ATF6: variants seen among roughly 807,000 people sequenced by gnomAD.
ATF6 encodes cyclic AMP-dependent transcription factor ATF-6 alpha.
In ATF6, 53 loss-of-function variants were observed where a neutral mutation model predicts 83.6. The ratio of observed to expected loss-of-function variants is 0.63; its 90% CI spans 0.51 to 0.80. The LOEUF is 0.80. Among genes scored for constraint, ATF6 ranks in the 30% least tolerant of loss-of-function variants. The pLI is 0.00. For missense variants in ATF6, 744 were observed against 797.9 expected (o/e 0.93, Z 0.81); for synonymous variants, 288 against 285.8 (o/e 1.01, Z -0.08).
chr1:161,775,424 T>A (rs1201382164), intron 1 of ATF6, among the ~76,000 whole-genome samples: 1 of 151,826 alleles, frequency 6.6e-6, no homozygotes, highest in Non-Finnish European at 1.5e-5. Flanking sequence ...ATGGTAACTA[T>A]CTAACTCTAT....
At position 161,788,762 on chromosome 1, in the gene ATF6, A is replaced by G. The variant is rs1489142649; in HGVS notation, c.355-2646A>G. ...TAGCACTAGGTAGGGATCTAATTTT[A>G]ATTTTCTCTATAAAATGAATCAGTT... On this transcript the variant is annotated intron_variant, in intron 4 of 15. Coordinates refer to ENST00000367942, the MANE Select transcript of ATF6 (RefSeq NM_007348.4). 6.6e-5 allele frequency among the ~76,000 whole-genome samples: 10 copies of G among 152,018 alleles called. No individual in the cohort carries two copies. The South Asian group carries it at 1.9e-3, about 28-fold the overall frequency.
rs1191873187 is a variant in ATF6, at chr1:161,962,569, A to G, written c.*3915A>G. The stretch of plus-strand genomic sequence containing the variant: ...GTATTTGACTTTCTAACACATTGCA[A>G]AGTTTCAAAGTGACTTTCACTTTCA... On this transcript the variant is annotated 3_prime_UTR_variant, in exon 16 of 16. Coordinates refer to ENST00000367942, the MANE Select transcript of ATF6 (RefSeq NM_007348.4). 6.6e-6 allele frequency: 1 copy of G among 152,260 alleles called. No individual in the cohort carries two copies. The highest frequency in any genetic ancestry group is 2.4e-5 in the African/African-American group (1 of 41,470). 9.4% of individuals were successfully genotyped at this position (152,260 alleles called of 1,614,324 possible).
At chr1:161,876,248 A>G (rs1687214885) in intron 14 of ATF6, among the ~76,000 whole-genome samples, 1 of 152,000 alleles carries the variant, frequency 6.6e-6, no homozygotes, top group Non-Finnish European at 1.5e-5. Context: ...CCATTTGTAA[A>G]ACAAAAGCAC....
intron 7 of ATF6, among the ~76,000 whole-genome samples, chr1:161,813,578 A>G (rs1685527687): frequency 6.6e-6 from 1 of 151,976 alleles, no homozygotes; most frequent in African/African-American, 2.4e-5. Context: ...TTTTTCTTTT[A>G]TTCTGTCCTG....
At position 161,801,453 on chromosome 1, in the gene ATF6, G is replaced by A. The variant is rs528757063; in HGVS notation, c.689-599G>A. Among the ~76,000 whole-genome samples, 4 of 142,810 alleles carry A rather than the reference G, an allele frequency of 2.8e-5. No individual in the cohort carries two copies. The East Asian group carries it at 8.2e-4, about 29-fold the overall frequency. The allele number at this position is 142,810 out of a possible 152,430, so 93.7% of individuals were successfully genotyped here. A position where few individuals can be genotyped will look rare whatever the true frequency, so the allele number is the denominator to read the frequency against. ...ACTCGAGGCACATACCACCATACCT[G>A]GCTAATTTTTAAATTTTTTTTTGTA... On this transcript the variant is annotated intron_variant, in intron 6 of 15. Coordinates refer to ENST00000367942, the MANE Select transcript of ATF6 (RefSeq NM_007348.4).
chr1:161,919,542 T>G (rs1433797914), intron 15 of ATF6, among the ~76,000 whole-genome samples: 1 of 152,220 alleles, frequency 6.6e-6, no homozygotes, highest in Non-Finnish European at 1.5e-5. Flanking sequence ...TAATGGTAGA[T>G]AGCTAAACTT....
At chr1:161,957,026 A>G (rs1688979319) in intron 15 of ATF6, among the ~76,000 whole-genome samples, 1 of 152,128 alleles carries the variant, frequency 6.6e-6, no homozygotes, top group Non-Finnish European at 1.5e-5. Context: ...GGACTAGATG[A>G]TCTCCAAAAG....
At chr1:161,917,873 A>G (rs918411538) in intron 15 of ATF6, among the ~76,000 whole-genome samples, 3 of 152,186 alleles carry the variant, frequency 2.0e-5, no homozygotes, top group African/African-American at 4.8e-5. Context: ...AGATTTTTGG[A>G]TTAGGGATAC....
At chr1:161,894,732 A>G (rs1309647291) in intron 14 of ATF6, among the ~76,000 whole-genome samples, 3 of 56,398 alleles carry the variant, frequency 5.3e-5, no homozygotes, top group Non-Finnish European at 1.0e-4. Context: ...TTGTATTTTT[A>G]GCAGAGACGG....
Position 161,961,867 on chromosome 1 carries a change from T to C in ATF6, c.*3213T>C, listed in dbSNP as rs528403382. The C allele has an allele frequency of 1.1e-4, 16 of 152,340 alleles. No homozygotes were observed. The highest frequency in any genetic ancestry group is 3.6e-4 in the African/African-American group (15 of 41,574). The allele number at this position is 152,340 out of a possible 1,614,324, so 9.4% of individuals were successfully genotyped here. On this transcript the variant is annotated 3_prime_UTR_variant, in exon 16 of 16. Transcript: ENST00000367942. ...ATGGAAGTAAGTGGATGTTTCCTCATGTTAACTACTGAATCAGATGTTAGG... is the reference window on the plus strand; with the variant it reads ...ATGGAAGTAAGTGGATGTTTCCTCACGTTAACTACTGAATCAGATGTTAGG...
chr1:161,785,596 A>G (rs1684725811), intron 4 of ATF6, among the ~76,000 whole-genome samples: 1 of 152,184 alleles, frequency 6.6e-6, no homozygotes, highest in Admixed American at 6.5e-5. Context: ...AGTCTTTTCC[A>G]GACCCAATTA....
intron 14 of ATF6, among the ~76,000 whole-genome samples, chr1:161,894,545 T>TTTTTTTTTTTTTTGTTTTTTTTG: frequency 1.0e-5 from 1 of 97,440 alleles, no homozygotes; most frequent in Non-Finnish European, 2.0e-5. Context: ...TTTTTTTTTT[T>TTTTTTTTTTTTTTGTTTTTTTTG]TTTTTTTTTG....
intron 14 of ATF6, chr1:161,891,558 C>G (rs1687556791): frequency 6.6e-6 from 1 of 152,208 alleles, no homozygotes; most frequent in Non-Finnish European, 1.5e-5. Context: ...AAACGAGTAC[C>G]TGAGTGTGCG....
chr1:161,791,446 C>G lies in ATF6; in HGVS notation c.393C>G (p.Pro131=). 1 of 1,611,980 alleles carries G rather than the reference C, an allele frequency of 6.2e-7. No homozygotes were observed. Among genetic ancestry groups the G allele is most frequent in the African/African-American group, 1.3e-5 (1 of 74,906 alleles). ...TGTCTTCTAGTTCTCAGATGTCTCCCCTTTCCTTATATGGTGAAAACTCTA... is the reference window on the plus strand; with the variant it reads ...TGTCTTCTAGTTCTCAGATGTCTCCGCTTTCCTTATATGGTGAAAACTCTA... The part of the protein sequence containing the change: ...LDLSSSSQMS[P]LSLYGENSNS... Residue 131 remains proline, a synonymous_variant, in exon 5 of 16, where the codon CCC becomes CCG. Coordinates refer to ENST00000367942, the MANE Select transcript of ATF6 (RefSeq NM_007348.4).
At chr1:161,846,387 G>A in intron 9 of ATF6, 62 bp from the exon 10 acceptor site, 2 of 1,515,768 alleles carry the variant, frequency 1.3e-6, no homozygotes, top group Non-Finnish European at 1.8e-6. Flanking sequence ...ACAGCTGCAT[G>A]TAGCAGGCAT....
chr1:161,927,908 A>C (rs1044112005), intron 15 of ATF6, among the ~76,000 whole-genome samples: 1 of 152,208 alleles, frequency 6.6e-6, no homozygotes, highest in African/African-American at 2.4e-5. Flanking sequence ...ACAAGGTTTA[A>C]AGTATTTTGG....
intron 14 of ATF6, among the ~76,000 whole-genome samples, chr1:161,863,585 G>A (rs1686930466): frequency 6.6e-6 from 1 of 152,132 alleles, no homozygotes; most frequent in African/African-American, 2.4e-5. Flanking sequence ...AATCCTGATA[G>A]CCATGCTGTT....
At chr1:161,914,269 T>G (rs995164110) in intron 15 of ATF6, among the ~76,000 whole-genome samples, 8 of 152,168 alleles carry the variant, frequency 5.3e-5, no homozygotes, top group African/African-American at 1.9e-4. Flanking sequence ...CCCTTCCTCA[T>G]GTACCTCAAA....
chr1:161,899,006 A>G (rs1687731115), intron 14 of ATF6, among the ~76,000 whole-genome samples: 1 of 152,226 alleles, frequency 6.6e-6, no homozygotes, highest in East Asian at 1.9e-4. Context: ...ATGAAACTAA[A>G]GAAAATCGTT....
Sources: allele counts gnomAD v4.1 joint callset (sites outside exome capture counted in the v4.1 genomes callset), GRCh38; gene constraint gnomAD v4.1.1; transcripts MANE v1.5; gene names NCBI Gene and HGNC (gene_info 2026-07-23, HGNC 2026-07-21).